The following FARS2 variants were observed in gnomAD, a reference collection of about 807,000 sequenced individuals.
FARS2 encodes the protein phenylalanyl-tRNA synthetase 2, mitochondrial, also known as phenylalanine--tRNA ligase, mitochondrial.
Under a neutral mutation model 46.4 loss-of-function variants are expected in FARS2, and 40 were observed. The observed-to-expected ratio is 0.86, with a 90% CI of 0.67 to 1.12. The LOEUF is 1.12. Among genes scored for constraint, FARS2 ranks in the 50% most tolerant of loss-of-function variants. The pLI is 0.00. For missense variants in FARS2, 513 were observed against 567.9 expected (o/e 0.90, Z 0.98); for synonymous variants, 234 against 214.9 (o/e 1.09, Z -0.78).
rs762348813 is a variant in FARS2, at chr6:5,404,611, C to G, written c.682C>G (p.Gln228Glu). The G allele has an allele frequency of 6.2e-7, 1 of 1,613,320 alleles. No homozygotes were observed. Among genetic ancestry groups the G allele is most frequent in the Non-Finnish European group, 8.5e-7 (1 of 1,179,512 alleles). ...ACAAAGTTCTCGCTCTGCGCATAAA[C>G]AAGAGACACACACCATGGAGGCCGT... ...FEQSSRSAHK[Q>E]ETHTMEAVKL... The change falls in exon 3 of 7, where the codon CAA becomes GAA. Residue 228 changes from glutamine (Q) to glutamate (E), a missense_variant. Coordinates refer to ENST00000274680, the MANE Select transcript of FARS2 (RefSeq NM_006567.5).
intron 2 of FARS2, among the ~76,000 whole-genome samples, chr6:5,387,583 C>A (rs745873269): frequency 8.5e-5 from 13 of 152,328 alleles, no homozygotes; most frequent in Middle Eastern, 6.8e-3. Flanking sequence ...ACAGCTAATA[C>A]TTTCTTCTCC....
At chr6:5,342,183 A>C (rs1260293601) in intron 1 of FARS2, among the ~76,000 whole-genome samples, 1 of 152,218 alleles carries the variant, frequency 6.6e-6, no homozygotes, top group Non-Finnish European at 1.5e-5. Flanking sequence ...CAAATATTAA[A>C]AGATAGATAT....
At chr6:5,565,298 G>A (rs1772261208) in intron 5 of FARS2, among the ~76,000 whole-genome samples, 1 of 152,302 alleles carries the variant, frequency 6.6e-6, no homozygotes, top group Admixed American at 6.5e-5. Flanking sequence ...TCTGAGTGTA[G>A]TCCATTTAGT....
intron 4 of FARS2, among the ~76,000 whole-genome samples, chr6:5,538,659 G>T (rs1299875801): frequency 2.6e-5 from 4 of 152,188 alleles, no homozygotes; most frequent in Non-Finnish European, 4.4e-5. Flanking sequence ...AAAACTATAT[G>T]ATAGAGTGGT....
At chr6:5,506,865 T>C (rs1421358199) in intron 4 of FARS2, among the ~76,000 whole-genome samples, 1 of 152,214 alleles carries the variant, frequency 6.6e-6, no homozygotes, top group Non-Finnish European at 1.5e-5. Flanking sequence ...ATCTTCAGTG[T>C]TGCTCTTGGC....
At position 5,524,064 on chromosome 6, in the gene FARS2, C is replaced by T. The variant is rs561423705; in HGVS notation, c.905-21116C>T. Among the ~76,000 whole-genome samples the T allele has an allele frequency of 2.6e-5, 4 of 152,154 alleles. No individual in the cohort carries two copies. The South Asian group carries it at 8.3e-4, about 32-fold the overall frequency. ...CTGGTCTCACTGTTTCACAGTCTGC[C>T]CAGCCTCTATTCTTTTTAGCCTTTG... On this transcript the variant is annotated intron_variant, in intron 4 of 6. Transcript: ENST00000274680.
intron 6 of FARS2, among the ~76,000 whole-genome samples, chr6:5,710,765 C>T (rs1235283042): frequency 3.3e-5 from 5 of 152,122 alleles, no homozygotes; most frequent in African/African-American, 7.2e-5. Flanking sequence ...GGGCACTGAT[C>T]GATATATGGG....
intron 6 of FARS2, among the ~76,000 whole-genome samples, chr6:5,751,588 C>G (rs1043581735): frequency 3.9e-5 from 6 of 152,168 alleles, no homozygotes; most frequent in African/African-American, 1.4e-4. Flanking sequence ...CCAAAGGAGG[C>G]TTTTGGAGTA....
intron 4 of FARS2, among the ~76,000 whole-genome samples, chr6:5,521,513 A>G (rs1299362318): frequency 6.6e-6 from 1 of 152,218 alleles, no homozygotes; most frequent in Non-Finnish European, 1.5e-5. Flanking sequence ...CTCACTAAAT[A>G]GCTGTCAGAT....
intron 3 of FARS2, among the ~76,000 whole-genome samples, chr6:5,430,555 A>G (rs1342873676): frequency 6.6e-6 from 1 of 151,562 alleles, no homozygotes; most frequent in Non-Finnish European, 1.5e-5. Flanking sequence ...TATTAGCTTT[A>G]TAAACTTAAA....
intron 6 of FARS2, among the ~76,000 whole-genome samples, chr6:5,703,028 A>G (rs565295798): frequency 6.6e-6 from 1 of 152,304 alleles, no homozygotes; most frequent in South Asian, 2.1e-4. Context: ...TTCTGCTTCA[A>G]AGTAAAACTA....
At chr6:5,607,006 C>A (rs1348871779) in intron 5 of FARS2, among the ~76,000 whole-genome samples, 1 of 152,046 alleles carries the variant, frequency 6.6e-6, no homozygotes, top group Non-Finnish European at 1.5e-5. Flanking sequence ...GGTGTACAAG[C>A]CACCACAAGT....
At chr6:5,672,068 A>G (rs1312350281) in intron 6 of FARS2, among the ~76,000 whole-genome samples, 1 of 152,226 alleles carries the variant, frequency 6.6e-6, no homozygotes, top group Admixed American at 6.5e-5. Flanking sequence ...GAAAAAGTCC[A>G]GAGAAGGATG....
chr6:5,510,311 C>A (rs896230439), intron 4 of FARS2, among the ~76,000 whole-genome samples: 2 of 152,150 alleles, frequency 1.3e-5, no homozygotes, highest in African/African-American at 4.8e-5. Context: ...TGGGTCGACC[C>A]CTTAGGGGAG....
intron 6 of FARS2, among the ~76,000 whole-genome samples, chr6:5,755,795 G>C (rs550022830): frequency 6.6e-4 from 100 of 152,194 alleles, no homozygotes; most frequent in African/African-American, 2.4e-3. Flanking sequence ...ATTTTCTTCT[G>C]CCAGGTCTTC....
At chr6:5,723,537 G>A (rs958823672) in intron 6 of FARS2, among the ~76,000 whole-genome samples, 16 of 152,144 alleles carry the variant, frequency 1.1e-4, no homozygotes, top group African/African-American at 3.1e-4. Flanking sequence ...CCTGTGAACC[G>A]CTGTCACAAG....
chr6:5,561,329 A>G (rs560183067), intron 5 of FARS2, among the ~76,000 whole-genome samples: 1 of 152,084 alleles, frequency 6.6e-6, no homozygotes, highest in South Asian at 2.1e-4. Context: ...TTAATGAAGT[A>G]TATTGTTTGA....
Position 5,369,024 on chromosome 6 carries a change from C to G in FARS2, c.454C>G (p.Leu152Val). Residue 152 changes from leucine (L) to valine (V), a missense_variant, in exon 2 of 7, where the codon CTG (leucine) becomes GTG (valine). By Grantham distance (32) the Leu-to-Val change is conservative. Coordinates refer to ENST00000274680, the MANE Select transcript of FARS2 (RefSeq NM_006567.5). ...CTATTACCTGAATCGGACTCACATG[C>G]TGAGAGCGCACACGTCTGCACACCA... ...DNYYLNRTHM[L>V]RAHTSAHQWD... The G allele has an allele frequency of 6.2e-7, 1 of 1,614,078 alleles. No homozygotes were observed. Among genetic ancestry groups the G allele is most frequent in the South Asian group, 1.1e-5 (1 of 91,076 alleles).
chr6:5,421,901 T>C (rs114412214), intron 3 of FARS2, among the ~76,000 whole-genome samples: 3,074 of 152,324 alleles, frequency 0.02, 112 homozygotes, highest in African/African-American at 0.068. Context: ...CAAACTATTC[T>C]AACCTCTTCC....
Sources: allele counts gnomAD v4.1 joint callset (sites outside exome capture counted in the v4.1 genomes callset), GRCh38; gene constraint gnomAD v4.1.1; transcripts MANE v1.5; gene names NCBI Gene and HGNC (gene_info 2026-07-23, HGNC 2026-07-21).